The following DPYD variants were observed in gnomAD, a reference collection of about 807,000 sequenced individuals.
DPYD encodes the protein dihydropyrimidine dehydrogenase.
Under a neutral mutation model 116.2 loss-of-function variants are expected in DPYD, and 109 were observed. The observed-to-expected ratio is 0.94, with a 90% CI of 0.80 to 1.10. The LOEUF (loss-of-function observed/expected upper bound fraction) is 1.10, where lower values mean the gene tolerates loss of function less well. DPYD is among the 50% of genes least tolerant of loss of function. The pLI is 0.00. For synonymous variants in DPYD, 440 were observed against 432.0 expected (o/e 1.02, Z -0.23); for missense variants, 1,302 against 1,254.5 (o/e 1.04, Z -0.57).
At chr1:97,144,011 G>T (rs1654430531) in intron 20 of DPYD, among the ~76,000 whole-genome samples, 2 of 152,052 alleles carry the variant, frequency 1.3e-5, no homozygotes, top group South Asian at 4.1e-4. Context: ...TGATTCTCTG[G>T]TCATCAAACC....
intron 4 of DPYD, among the ~76,000 whole-genome samples, chr1:97,736,940 A>C (rs1301958583): frequency 3.3e-5 from 5 of 151,544 alleles, no homozygotes; most frequent in Non-Finnish European, 7.4e-5. Context: ...ATTAATTTAG[A>C]ACACTGATTT....
intron 16 of DPYD, among the ~76,000 whole-genome samples, chr1:97,372,874 C>G (rs1334985641): frequency 6.6e-6 from 1 of 152,150 alleles, no homozygotes. Context: ...ACACCATTTC[C>G]TTCTGGGCTT....
chr1:97,232,667 T>G (rs576330680), intron 19 of DPYD, among the ~76,000 whole-genome samples: 15 of 152,030 alleles, frequency 9.9e-5, no homozygotes, highest in Non-Finnish European at 1.8e-4. Context: ...GTTCACTGAT[T>G]TTTTCTTCTG....
intron 20 of DPYD, among the ~76,000 whole-genome samples, chr1:97,133,686 G>T (rs927645174): frequency 2.0e-5 from 3 of 151,650 alleles, no homozygotes; most frequent in African/African-American, 7.3e-5. Flanking sequence ...GACCTATTAG[G>T]TTACATTTTT....
At chr1:97,223,348 T>C (rs1208021262) in intron 19 of DPYD, among the ~76,000 whole-genome samples, 5 of 151,444 alleles carry the variant, frequency 3.3e-5, no homozygotes, top group South Asian at 4.2e-4. Context: ...GGATTTTCTA[T>C]TAACTTTAGT....
At chr1:97,643,777 T>C (rs534467757) in intron 8 of DPYD, among the ~76,000 whole-genome samples, 1 of 152,278 alleles carries the variant, frequency 6.6e-6, no homozygotes, top group African/African-American at 2.4e-5. Context: ...GTTCATGTCC[T>C]TTGCAGGGAC....
At chr1:97,100,943 C>T (rs1650637063) in intron 20 of DPYD, among the ~76,000 whole-genome samples, 1 of 152,020 alleles carries the variant, frequency 6.6e-6, no homozygotes, top group Non-Finnish European at 1.5e-5. Flanking sequence ...CCCTGGCTAA[C>T]ATGCTAAGTT....
chr1:97,250,467 T>G (rs775707312), intron 18 of DPYD, among the ~76,000 whole-genome samples: 2 of 152,024 alleles, frequency 1.3e-5, no homozygotes, highest in African/African-American at 2.4e-5. Flanking sequence ...CCATAACAGC[T>G]CAAAACTGGA....
At chr1:97,230,471 T>A (rs1356871171) in intron 19 of DPYD, among the ~76,000 whole-genome samples, 1 of 151,934 alleles carries the variant, frequency 6.6e-6, no homozygotes. Flanking sequence ...TGACACACAC[T>A]GGGGCCTATG....
intron 19 of DPYD, among the ~76,000 whole-genome samples, chr1:97,199,890 G>A (rs1195241538): frequency 1.3e-5 from 2 of 152,144 alleles, no homozygotes; most frequent in Non-Finnish European, 2.9e-5. Flanking sequence ...AGAATTTCAC[G>A]TAATCTAGAA....
chr1:97,257,452 T>TATATATATATAGAGAGAGAG lies in DPYD; in HGVS notation c.2300-22459_2300-22458insCTCTCTCTCTATATATATAT, dbSNP rs375490078. ...ATACATACGTATATATATATATATA[T>TATATATATATAGAGAGAGAG]AGAGAGAGAGAAAGAGAGAGAGAGC... On this transcript the variant is annotated intron_variant, in intron 18 of 22. Transcript: ENST00000370192. Among the ~76,000 whole-genome samples the TATATATATATAGAGAGAGAG allele has an allele frequency of 2.5e-3, 312 of 126,418 alleles. 3 individuals carry two copies. Among genetic ancestry groups the TATATATATATAGAGAGAGAG allele is most frequent in the South Asian group, 0.013 (48 of 3,680 alleles). The allele number at this position is 126,418 out of a possible 152,430, so 82.9% of individuals were successfully genotyped here. A position where few individuals can be genotyped will look rare whatever the true frequency, so the allele number is the denominator to read the frequency against.
intron 14 of DPYD, among the ~76,000 whole-genome samples, chr1:97,439,998 G>A (rs577177880): frequency 2.0e-4 from 30 of 151,508 alleles, no homozygotes; most frequent in African/African-American, 4.8e-4. Flanking sequence ...ATTTTCGGCC[G>A]GGCGCGGTGG....
At chr1:97,214,877 T>G (rs1360191185) in intron 19 of DPYD, among the ~76,000 whole-genome samples, 3 of 152,218 alleles carry the variant, frequency 2.0e-5, no homozygotes, top group Non-Finnish European at 4.4e-5. Context: ...TCTTTTACTC[T>G]TGCTACCCTA....
At chr1:97,850,410 T>G (rs1268761584) in intron 2 of DPYD, among the ~76,000 whole-genome samples, 1 of 152,228 alleles carries the variant, frequency 6.6e-6, no homozygotes, top group Non-Finnish European at 1.5e-5. Flanking sequence ...AACTAAATTC[T>G]TAGATATGAA....
intron 2 of DPYD, among the ~76,000 whole-genome samples, chr1:97,870,187 T>C (rs1392121911): frequency 1.3e-5 from 2 of 151,866 alleles, no homozygotes; most frequent in African/African-American, 4.8e-5. Flanking sequence ...AAAATCTAAA[T>C]AGATATTAGA....
intron 5 of DPYD, among the ~76,000 whole-genome samples, chr1:97,714,854 G>A (rs1374250367): frequency 6.6e-6 from 1 of 152,042 alleles, no homozygotes; most frequent in Non-Finnish European, 1.5e-5. Context: ...GAGCGCCTCT[G>A]TCTTTGACTA....
chr1:97,436,054 G>A (rs1675453671), intron 14 of DPYD, among the ~76,000 whole-genome samples: 1 of 151,872 alleles, frequency 6.6e-6, no homozygotes. Context: ...CAGATTAAAT[G>A]GGCCCTTTGC....
At chr1:97,237,105 G>C (rs181273083) in intron 18 of DPYD, among the ~76,000 whole-genome samples, 13 of 151,960 alleles carry the variant, frequency 8.6e-5, no homozygotes, top group Non-Finnish European at 1.8e-4. Context: ...TCTGGACTTG[G>C]TGGCGGGCGC....
intron 19 of DPYD, among the ~76,000 whole-genome samples, chr1:97,200,818 G>A (rs1358774060): frequency 6.6e-6 from 1 of 152,172 alleles, no homozygotes; most frequent in Non-Finnish European, 1.5e-5. Flanking sequence ...TACACAGCTA[G>A]TTGGAGGCAG....
Sources: allele counts gnomAD v4.1 joint callset (sites outside exome capture counted in the v4.1 genomes callset), GRCh38; gene constraint gnomAD v4.1.1; transcripts MANE v1.5; gene names NCBI Gene and HGNC (gene_info 2026-07-23, HGNC 2026-07-21).